C4BPA: variants seen among roughly 807,000 people sequenced by gnomAD.
C4BPA encodes C4b-binding protein alpha chain.
C4BPA carries 31 observed loss-of-function variants against 63.7 expected under a neutral mutation model. That is an observed-to-expected ratio of 0.49 (90% confidence interval 0.37 to 0.66). The LOEUF is 0.66. Ranked by LOEUF, C4BPA falls within the 30% of genes least tolerant of loss-of-function variation. The pLI, the probability that C4BPA is intolerant of heterozygous loss-of-function variation, is 0.00. For missense variants in C4BPA, 572 were observed against 723.3 expected, an observed-to-expected ratio of 0.79 and a Z score of 2.40; for synonymous variants, 259 against 254.7, an observed-to-expected ratio of 1.02 and a Z score of -0.16.
intron 1 of C4BPA, among the ~76,000 whole-genome samples, chr1:207,105,881 G>A (rs1378918303): frequency 6.6e-6 from 1 of 152,208 alleles, no homozygotes; most frequent in Non-Finnish European, 1.5e-5. Flanking sequence ...GACCCGCCAT[G>A]CTGACTAAAG....
At position 207,143,920 on chromosome 1, in the gene C4BPA, G is replaced by T. The variant is rs1685475608; in HGVS notation, c.1547G>T (p.Gly516Val). The change falls in exon 11 of 12, where the codon GGT (glycine) becomes GTT (valine). Residue 516 changes from glycine (G) to valine (V), a missense_variant. Physicochemically the swap from Gly to Val is moderately radical, Grantham distance 109 (BLOSUM62 -3). This residue lies in a region of C4BPA where 465 missense variants were observed against 629.4 expected (regional missense o/e 0.74). Transcript: ENST00000367070. The stretch of plus-strand genomic sequence containing the variant: ...ACCATCCAATGTGATTCTGGCTATG[G>T]TGTGGTTGGTCCCCAAAGTATCACT... ...NVTIQCDSGY[G>V]VVGPQSITCS... is the part of the protein sequence containing the mutation. 6.2e-7 allele frequency: 1 copy of T among 1,612,504 alleles called. No individual in the cohort carries two copies. The highest frequency in any genetic ancestry group is 1.7e-5 in the Admixed American group (1 of 59,806).
intron 4 of C4BPA, among the ~76,000 whole-genome samples, chr1:207,118,165 GTCTATCTA>G (rs956859420): frequency 1.3e-5 from 1 of 77,080 alleles, no homozygotes; most frequent in Non-Finnish European, 2.8e-5. Flanking sequence ...CTGTCTGTCT[GTCTATCTA>G]TCTATATCTA....
intron 1 of C4BPA, among the ~76,000 whole-genome samples, chr1:207,106,476 G>A (rs1032706655): frequency 1.0e-5 from 1 of 95,368 alleles, no homozygotes; most frequent in Non-Finnish European, 2.0e-5. Context: ...GTCTCGCTTT[G>A]TTGCCCAGAC....
At chr1:207,111,572 TA>T (rs1309612631) in intron 1 of C4BPA, among the ~76,000 whole-genome samples, 1 of 152,296 alleles carries the variant, frequency 6.6e-6, no homozygotes, top group East Asian at 1.9e-4. Flanking sequence ...AAGGGCACTA[TA>T]AACTTCCCTT....
intron 3 of C4BPA, among the ~76,000 whole-genome samples, 159 bp downstream of exon 3, chr1:207,114,444 A>G (rs556226464): frequency 6.6e-6 from 1 of 152,020 alleles, no homozygotes; most frequent in South Asian, 2.1e-4. Flanking sequence ...GCAAAACAGA[A>G]AAATTAGGGG....
intron 6 of C4BPA, among the ~76,000 whole-genome samples, chr1:207,126,157 C>T (rs1482037614): frequency 6.6e-6 from 1 of 151,640 alleles, no homozygotes; most frequent in East Asian, 1.9e-4. Context: ...GTTGGAGGAG[C>T]TATCCACAGT....
chr1:207,106,450 T>TG (rs200997539), intron 1 of C4BPA, among the ~76,000 whole-genome samples: 3 of 133,884 alleles, frequency 2.2e-5, no homozygotes, highest in Non-Finnish European at 3.2e-5. Context: ...AGTTTTTTTT[T>TG]TTTTTTTGAA....
chr1:207,124,254 T>C lies in C4BPA; in HGVS notation c.594T>C (p.Ser198=). 6.2e-7 allele frequency: 1 copy of C among 1,613,938 alleles called. No individual in the cohort carries two copies. The highest frequency in any genetic ancestry group is 8.5e-7 in the Non-Finnish European group (1 of 1,179,876). ...AAAATTTCTACGCATACGGCTTTTCTGTCACCTACAGCTGTGACCCCCGCT... is the reference window on the plus strand; with the variant it reads ...AAAATTTCTACGCATACGGCTTTTCCGTCACCTACAGCTGTGACCCCCGCT... ...GEENFYAYGF[S]VTYSCDPRFS... Residue 198 remains serine (S), a synonymous_variant, in exon 6 of 12, where the codon TCT becomes TCC. Coordinates refer to ENST00000367070, the MANE Select transcript of C4BPA (RefSeq NM_000715.4).
intron 9 of C4BPA, among the ~76,000 whole-genome samples, chr1:207,139,242 G>A (rs1223516512): frequency 1.3e-5 from 2 of 152,230 alleles, no homozygotes; most frequent in Non-Finnish European, 2.9e-5. Flanking sequence ...TGCAATGGCT[G>A]CAATAGGAAC....
chr1:207,116,538 G>GTA (rs1389621266), intron 4 of C4BPA, among the ~76,000 whole-genome samples: 3 of 137,292 alleles, frequency 2.2e-5, no homozygotes, highest in Non-Finnish European at 3.2e-5. Context: ...GTGTGTGTGT[G>GTA]TGTGTGTGTG....
chr1:207,118,213 GTCTA>G (rs35838980), intron 4 of C4BPA, among the ~76,000 whole-genome samples: 2,307 of 137,476 alleles, frequency 0.017, 57 homozygotes, highest in African/African-American at 0.054. Context: ...TCTATCATCT[GTCTA>G]TCTATCTATC....
intron 4 of C4BPA, among the ~76,000 whole-genome samples, chr1:207,123,696 T>G (rs567901216): frequency 1.4e-4 from 21 of 152,276 alleles, no homozygotes; most frequent in Admixed American, 1.4e-3. Context: ...TGATCCCTAG[T>G]AGATGCTCAG....
intron 8 of C4BPA, among the ~76,000 whole-genome samples, chr1:207,133,903 T>C (rs1430503242): frequency 6.6e-6 from 1 of 152,242 alleles, no homozygotes; most frequent in Non-Finnish European, 1.5e-5. Flanking sequence ...ACTTGAGAAG[T>C]ATAAGTTAAT....
At chr1:207,135,755 C>T (rs1685268155) in intron 9 of C4BPA, among the ~76,000 whole-genome samples, 1 of 152,192 alleles carries the variant, frequency 6.6e-6, no homozygotes, top group Admixed American at 6.5e-5. Flanking sequence ...CAAGCATTGC[C>T]TCCCAGCTGG....
At chr1:207,123,496 A>C (rs1684962526) in intron 4 of C4BPA, among the ~76,000 whole-genome samples, 1 of 152,204 alleles carries the variant, frequency 6.6e-6, no homozygotes, top group Admixed American at 6.5e-5. Context: ...TAAAAATGGA[A>C]GTGGTGAACT....
At position 207,116,369 on chromosome 1, in the gene C4BPA, T is replaced by G. The variant is rs979131908; in HGVS notation, c.428+854T>G. Among the ~76,000 whole-genome samples, 9 of 151,724 alleles carry G rather than the reference T, an allele frequency of 5.9e-5. No homozygotes were observed. The South Asian group carries it at 6.3e-4, about 11-fold the overall frequency. ...GCATGTCTGATGCCTGGTTGTTGTT[T>G]TTTTTCCTTAACTTGTTGAACTTTT... On this transcript the variant is annotated intron_variant, in intron 4 of 11. Coordinates refer to ENST00000367070, the MANE Select transcript of C4BPA (RefSeq NM_000715.4).
Position 207,113,013 on chromosome 1 carries a change from G to A in C4BPA, c.-13G>A, listed in dbSNP as rs199629799. ...GTTCTTTCAGCAGAAAAACATCAGC[G>A]AAGCAGCAGGCCATGCACCCCCCAA... On this transcript the variant is annotated 5_prime_UTR_variant, in exon 2 of 12. Transcript: ENST00000367070. 5 of 1,558,616 alleles carry A rather than the reference G, an allele frequency of 3.2e-6. No individual in the cohort carries two copies. Among genetic ancestry groups the A allele is most frequent in the African/African-American group, 2.8e-5 (2 of 71,366 alleles).
At chr1:207,109,230 C>T (rs1684618727) in intron 1 of C4BPA, among the ~76,000 whole-genome samples, 1 of 152,160 alleles carries the variant, frequency 6.6e-6, no homozygotes, top group Admixed American at 6.5e-5. Flanking sequence ...AGTGGATGCT[C>T]CTCTGCACTG....
chr1:207,128,872 A>T (rs1685103257), intron 7 of C4BPA, among the ~76,000 whole-genome samples: 1 of 152,184 alleles, frequency 6.6e-6, no homozygotes, highest in African/African-American at 2.4e-5. Flanking sequence ...CAAAAAAAAA[A>T]TTGTCAGATG....
Sources: gnomAD v4.1 joint callset for allele counts (sites outside exome capture counted in the v4.1 genomes callset) on GRCh38, gnomAD v4.1.1 for gene constraint, gnomAD v4.1.1 regional missense constraint, MANE v1.5 for transcripts, NCBI Gene and HGNC (gene_info 2026-07-23, HGNC 2026-07-21) for gene names.